GLIPR1L1: variants seen among roughly 807,000 people sequenced by gnomAD.
The protein encoded by GLIPR1L1 is GLIPR1 like 1.
A neutral mutation model predicts 29.9 loss-of-function variants in GLIPR1L1; 26 were observed. That is an observed-to-expected ratio of 0.87 (90% CI 0.64 to 1.21). The LOEUF (loss-of-function observed/expected upper bound fraction) is 1.21, where lower values mean the gene tolerates loss of function less well. GLIPR1L1 is among the 50% of genes most tolerant of loss of function. The probability of loss-of-function intolerance (pLI) is 0.00; values close to 1 mark genes in which losing one functional copy is unlikely to be tolerated. For missense variants in GLIPR1L1, 305 were observed against 290.3 expected, an observed-to-expected ratio of 1.05 and a Z score of -0.37; for synonymous variants, 77 against 97.5, an observed-to-expected ratio of 0.79 and a Z score of 1.24.
In GLIPR1L1 at chr12:75,363,196, CA is replaced by C; in HGVS notation, c.610+11del. 2 of 1,289,476 alleles carry C rather than the reference CA, an allele frequency of 1.6e-6. No individual in the cohort carries two copies. Among genetic ancestry groups the C allele is most frequent in the Non-Finnish European group, 1.0e-6 (1 of 953,942 alleles). 79.9% of individuals were successfully genotyped at this position (1,289,476 alleles called of 1,614,324 possible). A position where few individuals can be genotyped will look rare whatever the true frequency, so the allele number is the denominator to read the frequency against. Reference sequence around the variant, plus strand: ...ATGTGTAAAGAACCTCTGCAGTAAGCAAAAATATATATATATAATTACATTT... The same window carrying C: ...ATGTGTAAAGAACCTCTGCAGTAAGCAAAATATATATATATAATTACATTT... On this transcript the variant is annotated splice_region_variant and intron_variant, in intron 4 of 5. Transcript: ENST00000378695.
chr12:75,346,376 G>C (rs978545866), intron 2 of GLIPR1L1, among the ~76,000 whole-genome samples: 1 of 152,002 alleles, frequency 6.6e-6, no homozygotes, highest in Non-Finnish European at 1.5e-5. Context: ...AAACCACAAA[G>C]ATGGCTGAAA....
chr12:75,342,267 A>C (rs1210076230), intron 1 of GLIPR1L1, among the ~76,000 whole-genome samples: 1 of 152,194 alleles, frequency 6.6e-6, no homozygotes, highest in African/African-American at 2.4e-5. Flanking sequence ...ATATACAAAA[A>C]TAAATGCATG....
intron 4 of GLIPR1L1, chr12:75,367,093 T>A: frequency 1.4e-6 from 1 of 694,162 alleles, no homozygotes; most frequent in East Asian, 2.7e-5. Context: ...GAGATTAATT[T>A]GGGGAGAAAA....
At chr12:75,335,751 A>G (rs1256007146) in intron 1 of GLIPR1L1, among the ~76,000 whole-genome samples, 2 of 152,124 alleles carry the variant, frequency 1.3e-5, no homozygotes, top group African/African-American at 4.8e-5. Flanking sequence ...TGAAACAAGA[A>G]TAAACTAATC....
At chr12:75,358,772 AAT>A (rs1471132865) in intron 3 of GLIPR1L1, among the ~76,000 whole-genome samples, 1 of 144,304 alleles carries the variant, frequency 6.9e-6, no homozygotes, top group Non-Finnish European at 1.5e-5. Context: ...TATATGTTTA[AAT>A]ATATATAATA....
rs56713198 is a variant in GLIPR1L1 at position 75,343,815 on chromosome 12, T to C, written c.297T>C (p.Asn99=). Residue 99 remains asparagine, a synonymous_variant, in exon 2 of 6, where the codon AAT becomes AAC. Transcript: ENST00000378695. ...CYAAFEYVGE[N]IWLGGIKSFT... ...CAGCTTTTGAATATGTTGGAGAAAATATCTGGTTAGGTGGAATAAAGTCAT... is the reference window on the plus strand; with the variant it reads ...CAGCTTTTGAATATGTTGGAGAAAACATCTGGTTAGGTGGAATAAAGTCAT... 9.8e-3 allele frequency: 15,861 copies of C among 1,613,482 alleles called. 1,391 individuals are homozygous for C. The East Asian group carries it at 0.24, about 25-fold the overall frequency.
chr12:75,363,280 A>G (rs1474624421), intron 4 of GLIPR1L1, 90 bp downstream of exon 4: 2 of 508,616 alleles, frequency 3.9e-6, no homozygotes, highest in Non-Finnish European at 6.6e-6. Flanking sequence ...TCAAGTTTAC[A>G]AACTATGGAC....
chr12:75,345,470 C>A (rs1326275348), intron 2 of GLIPR1L1, among the ~76,000 whole-genome samples: 1 of 152,092 alleles, frequency 6.6e-6, no homozygotes, highest in African/African-American at 2.4e-5. Flanking sequence ...AAAGAGCTAA[C>A]CTTCTTCTCT....
chr12:75,354,279 T>C (rs1253257235), intron 3 of GLIPR1L1, among the ~76,000 whole-genome samples: 1 of 151,942 alleles, frequency 6.6e-6, no homozygotes, highest in Admixed American at 6.6e-5. Context: ...AAAAGCTTTT[T>C]AAGCTTATAA....
chr12:75,357,295 G>A (rs969906212), intron 3 of GLIPR1L1, among the ~76,000 whole-genome samples: 1 of 151,954 alleles, frequency 6.6e-6, no homozygotes, highest in African/African-American at 2.4e-5. Context: ...ATGATAATTG[G>A]GTTAATTAAT....
intron 3 of GLIPR1L1, among the ~76,000 whole-genome samples, chr12:75,350,204 C>A (rs143294086): frequency 1.5e-3 from 222 of 152,326 alleles, no homozygotes; most frequent in African/African-American, 5.0e-3. Flanking sequence ...ATTTTCAGCA[C>A]CCCCAGCCAG....
intron 3 of GLIPR1L1, among the ~76,000 whole-genome samples, chr12:75,350,282 T>C (rs1428261418): frequency 1.3e-5 from 2 of 152,238 alleles, no homozygotes; most frequent in African/African-American, 2.4e-5. Flanking sequence ...CACAGTATCA[T>C]GGACTGCAAT....
chr12:75,341,471 G>C (rs1055064553), intron 1 of GLIPR1L1, among the ~76,000 whole-genome samples: 5 of 152,056 alleles, frequency 3.3e-5, no homozygotes, highest in African/African-American at 1.2e-4. Context: ...CTTTGAAACG[G>C]AGTCTCGCTG....
chr12:75,370,139 C>A lies in GLIPR1L1; in HGVS notation c.692C>A (p.Pro231Gln), dbSNP rs1459406546. 1 of 1,602,906 alleles carries A rather than the reference C, an allele frequency of 6.2e-7. No individual in the cohort carries two copies. The highest frequency in any genetic ancestry group is 1.7e-5 in the Admixed American group (1 of 59,976). The part of the protein sequence containing the change: ...GRAPQQTAFN[P>Q]FSLGFLLLRI... ...GCACCTCAGCAGACAGCCTTTAATC[C>A]ATTCAGCTTAGGTTTTCTTCTTCTG... The change falls in exon 6 of 6, where the codon CCA becomes CAA. Residue 231 changes from proline (P) to glutamine (Q), a missense_variant. Transcript: ENST00000378695.
chr12:75,336,945 C>G (rs1362576782), intron 1 of GLIPR1L1, among the ~76,000 whole-genome samples: 1 of 151,392 alleles, frequency 6.6e-6, no homozygotes, highest in Non-Finnish European at 1.5e-5. Flanking sequence ...AGTCTTAAAC[C>G]AGAAATAAAG....
intron 4 of GLIPR1L1, among the ~76,000 whole-genome samples, chr12:75,368,047 A>G (rs903883463): frequency 1.3e-5 from 2 of 151,972 alleles, no homozygotes; most frequent in Non-Finnish European, 2.9e-5. Context: ...AAATAATGCT[A>G]TTTCTTTCCT....
chr12:75,356,623 AGAAAG>A (rs2139514115), intron 3 of GLIPR1L1, among the ~76,000 whole-genome samples: 1 of 152,298 alleles, frequency 6.6e-6, no homozygotes, highest in African/African-American at 2.4e-5. Context: ...AAAGGCAAAA[AGAAAG>A]GAAAAGGGAA....
At chr12:75,361,309 G>A (rs1055668545) in intron 3 of GLIPR1L1, among the ~76,000 whole-genome samples, 3 of 152,204 alleles carry the variant, frequency 2.0e-5, no homozygotes, top group African/African-American at 7.2e-5. Flanking sequence ...TAGGTGAAGG[G>A]TGGGTATCAA....
chr12:75,361,094 A>T (rs1191996945), intron 3 of GLIPR1L1: 2 of 152,128 alleles, frequency 1.3e-5, no homozygotes, highest in African/African-American at 4.8e-5. Flanking sequence ...CAGGAAGGGG[A>T]TGGTTCCCCT....
Sources: allele counts gnomAD v4.1 joint callset (sites outside exome capture counted in the v4.1 genomes callset), GRCh38; gene constraint gnomAD v4.1.1; transcripts MANE v1.5; gene names NCBI Gene and HGNC (gene_info 2026-07-23, HGNC 2026-07-21).